Variants in MYH10 observed in about 807,000 individuals in gnomAD.
The protein encoded by MYH10 is myosin heavy chain 10, also known as myosin-10.
Under a neutral mutation model 257.8 loss-of-function variants are expected in MYH10, and 55 were observed. The observed-to-expected ratio is 0.21, with a 90% CI of 0.17 to 0.27. MYH10 has a LOEUF of 0.27. Among genes scored for constraint, MYH10 ranks in the 10% least tolerant of loss-of-function variants. MYH10 has a pLI of 1.00. For synonymous variants in MYH10, 854 were observed against 921.7 expected, an observed-to-expected ratio of 0.93 and a Z score of 1.33; for missense variants, 1,631 against 2,500.6, an observed-to-expected ratio of 0.65 and a Z score of 7.42.
chr17:8,496,318 A>G (rs942766910), intron 30 of MYH10, among the ~76,000 whole-genome samples: 2 of 152,216 alleles, frequency 1.3e-5, no homozygotes, highest in Admixed American at 1.3e-4. Flanking sequence ...TAACGCTTCC[A>G]TGGTCACTCT....
chr17:8,617,860 C>T (rs886804971), intron 2 of MYH10, among the ~76,000 whole-genome samples: 2 of 152,070 alleles, frequency 1.3e-5, no homozygotes, highest in Non-Finnish European at 2.9e-5. Flanking sequence ...TTATTAAGGA[C>T]CCCAAAGACC....
chr17:8,484,084 G>A (rs887243517), intron 37 of MYH10, 54 bp downstream of exon 37: 18 of 1,461,394 alleles, frequency 1.2e-5, no homozygotes, highest in Non-Finnish European at 1.6e-5. Flanking sequence ...TGATCTTGGA[G>A]AAATTTCAAG....
In MYH10 at chr17:8,623,360, C is replaced by T. The variant is rs1003113130; in HGVS notation, c.-31-83G>A. 28 of 1,331,876 alleles carry T rather than the reference C, an allele frequency of 2.1e-5. No individual in the cohort carries two copies. The South Asian group carries it at 2.8e-4, about 13-fold the overall frequency. 82.5% of individuals were successfully genotyped at this position (1,331,876 alleles called of 1,614,324 possible). ...TTTTTCTTTTCTAAGAAACTTAAAA[C>T]CTTAGATTAAGCATTAACTCTGTGT... On this transcript the variant is annotated intron_variant, in intron 1 of 42. Coordinates refer to ENST00000360416, the MANE Select transcript of MYH10 (RefSeq NM_001256012.3).
chr17:8,601,601 T>C (rs2152071290), intron 3 of MYH10, among the ~76,000 whole-genome samples: 1 of 152,336 alleles, frequency 6.6e-6, no homozygotes, highest in Non-Finnish European at 1.5e-5. Flanking sequence ...CTGATTCTTT[T>C]TGGTCTCCAT....
intron 4 of MYH10, among the ~76,000 whole-genome samples, chr17:8,580,582 T>C (rs1406233271): frequency 6.6e-6 from 1 of 152,196 alleles, no homozygotes; most frequent in Non-Finnish European, 1.5e-5. Context: ...ATGTAGGTCC[T>C]ACGTATTTTT....
intron 28 of MYH10, among the ~76,000 whole-genome samples, chr17:8,502,375 C>A (rs1038943360): frequency 5.3e-5 from 8 of 152,154 alleles, no homozygotes; most frequent in Admixed American, 3.9e-4. Flanking sequence ...AGGTCAAAGA[C>A]GTGCTGGTCT....
rs1312458426 is a variant in MYH10, at chr17:8,535,126, C to T, written c.1894+261G>A. Among the ~76,000 whole-genome samples the T allele has an allele frequency of 3.3e-5, 5 of 152,228 alleles. No homozygotes were observed. The highest frequency in any genetic ancestry group is 3.9e-4 in the East Asian group (2 of 5,184). On this transcript the variant is annotated intron_variant, in intron 16 of 42. Transcript: ENST00000360416. This position sits in a 1 kb window ranked among gnomAD's most constrained non-coding sequence, Gnocchi z 4.3. ...TGTGGTGGCCTAAGTCATACGTGTA[C>T]GTCTTTGTGGCTCCGGGCCTAGAAT...
At chr17:8,537,836 T>A (rs2082182839) in intron 14 of MYH10, among the ~76,000 whole-genome samples, 1 of 152,220 alleles carries the variant, frequency 6.6e-6, no homozygotes, top group Non-Finnish European at 1.5e-5. Context: ...AATGTCAAGA[T>A]CTCTATTATC....
chr17:8,565,666 C>T (rs1367345954), intron 7 of MYH10, among the ~76,000 whole-genome samples: 2 of 152,180 alleles, frequency 1.3e-5, no homozygotes, highest in Non-Finnish European at 2.9e-5. Flanking sequence ...TATTAGAATG[C>T]ACTTATTATA....
chr17:8,554,462 A>G (rs75317996), intron 7 of MYH10, among the ~76,000 whole-genome samples: 1,930 of 151,826 alleles, frequency 0.013, 35 homozygotes, highest in African/African-American at 0.045. Flanking sequence ...CCATAAAAAT[A>G]AAAAATAGTG....
At chr17:8,538,109 A>T (rs915265702) in intron 14 of MYH10, among the ~76,000 whole-genome samples, 1 of 152,270 alleles carries the variant, frequency 6.6e-6, no homozygotes, top group African/African-American at 2.4e-5. Flanking sequence ...AGGAACATCA[A>T]TGGGATCATT....
chr17:8,474,534 T>C lies in MYH10; in HGVS notation c.*1270A>G, dbSNP rs532877715. On this transcript the variant is annotated 3_prime_UTR_variant, in exon 43 of 43. Coordinates refer to ENST00000360416, the MANE Select transcript of MYH10 (RefSeq NM_001256012.3). ...AGGATCAAGGATTTAGAATTAACAC[T>C]GATTCATTGTCACTGAATGTCTGTA... 3.3e-4 allele frequency: 50 copies of C among 152,792 alleles called. No individual in the cohort carries two copies. The highest frequency in any genetic ancestry group is 1.2e-3 in the African/African-American group (50 of 41,594). The allele number at this position is 152,792 out of a possible 1,614,324, so 9.5% of individuals were successfully genotyped here.
At chr17:8,599,711 A>G (rs2152068505) in intron 3 of MYH10, among the ~76,000 whole-genome samples, 1 of 152,352 alleles carries the variant, frequency 6.6e-6, no homozygotes, top group South Asian at 2.1e-4. Context: ...TTTAGCTAAT[A>G]GGGAAAATTT....
At chr17:8,576,752 A>G in intron 5 of MYH10, 80 bp from the exon 6 acceptor site, 2 of 1,379,842 alleles carry the variant, frequency 1.4e-6, no homozygotes, top group Non-Finnish European at 1.0e-6. Context: ...CAAAGCACCA[A>G]GCCAATGTGC....
rs368995318 is a variant in MYH10 at position 8,569,687 on chromosome 17, G to C, written c.756+33C>G. ...AGTAAACATTTAACTAGAAATCTAA[G>C]GAATTAAAAGCTTCTGGTGCTTTGA... On this transcript the variant is annotated intron_variant, in intron 7 of 42. Transcript: ENST00000360416. This position sits in a 1 kb window ranked among gnomAD's most constrained non-coding sequence, Gnocchi z 4.1. 5 of 1,436,098 alleles carry C rather than the reference G, an allele frequency of 3.5e-6. No homozygotes were observed. The African/African-American group carries it at 5.7e-5, about 16-fold the overall frequency. 89.0% of individuals were successfully genotyped at this position (1,436,098 alleles called of 1,614,324 possible). A position where few individuals can be genotyped will look rare whatever the true frequency, so the allele number is the denominator to read the frequency against.
chr17:8,475,527 T>G lies in MYH10; in HGVS notation c.*277A>C. The G allele has an allele frequency of 2.9e-6, 1 of 345,834 alleles. No individual in the cohort carries two copies. Among genetic ancestry groups the G allele is most frequent in the South Asian group, 5.6e-5 (1 of 17,768 alleles). 21.4% of individuals were successfully genotyped at this position (345,834 alleles called of 1,614,324 possible). On this transcript the variant is annotated 3_prime_UTR_variant, in exon 43 of 43. Coordinates refer to ENST00000360416, the MANE Select transcript of MYH10 (RefSeq NM_001256012.3). ...TTGTTTTAAAAAGGGTCTTACCATG[T>G]TTTATAAAATGGTCTCTTGATGACT...
At chr17:8,500,647 CAG>C (rs895094433) in intron 29 of MYH10, among the ~76,000 whole-genome samples, 177 bp downstream of exon 29, 2 of 152,096 alleles carry the variant, frequency 1.3e-5, no homozygotes, top group African/African-American at 4.8e-5. Flanking sequence ...CCTAAGGAGA[CAG>C]TGTGTTTTCT....
At chr17:8,560,784 C>G in intron 7 of MYH10, 3 of 599,146 alleles carry the variant, frequency 5.0e-6, no homozygotes, top group South Asian at 4.1e-5. Context: ...AATGCTGGCC[C>G]GACACAAATG....
chr17:8,533,395 C>A (rs913019038), intron 16 of MYH10, among the ~76,000 whole-genome samples: 24 of 152,142 alleles, frequency 1.6e-4, no homozygotes, highest in African/African-American at 5.1e-4. Flanking sequence ...TGGAACACTC[C>A]TCCTGAGCTA....
Sources: allele counts gnomAD v4.1 joint callset (sites outside exome capture counted in the v4.1 genomes callset), GRCh38; gene constraint gnomAD v4.1.1; non-coding constraint Gnocchi (gnomAD v3.1); transcripts MANE v1.5; gene names NCBI Gene and HGNC (gene_info 2026-07-23, HGNC 2026-07-21).